The following SPRR2G variants were observed in gnomAD, a reference collection of about 807,000 sequenced individuals.
SPRR2G encodes small proline-rich protein 2G.
A neutral mutation model predicts 0.7 loss-of-function variants in SPRR2G; 1 was observed. The observed-to-expected ratio is 1.49, with a 90% confidence interval of 0.53 to 7.06. The LOEUF (loss-of-function observed/expected upper bound fraction) is 7.06. Among genes scored for constraint, SPRR2G ranks in the 30% most tolerant of loss-of-function variants. SPRR2G has a pLI of 0.14. For missense variants in SPRR2G, 96 were observed against 88.5 expected, an observed-to-expected ratio of 1.09 and a Z score of -0.34; for synonymous variants, 38 against 33.9, an observed-to-expected ratio of 1.12 and a Z score of -0.42.
the SPRR2G span, among the ~76,000 whole-genome samples, chr1:153,196,641 T>C: frequency 1.3e-5 from 2 of 152,130 alleles, no homozygotes; most frequent in Admixed American, 1.3e-4. Flanking sequence ...GGTTAAGAAA[T>C]TGACAAGAAC....
the SPRR2G span, among the ~76,000 whole-genome samples, chr1:153,159,578 C>T: frequency 6.6e-6 from 1 of 152,206 alleles, no homozygotes; most frequent in Non-Finnish European, 1.5e-5. Context: ...TAGCAGTACC[C>T]ATTCTGCTGG....
chr1:153,159,745 C>T, the SPRR2G span, among the ~76,000 whole-genome samples: 1 of 152,162 alleles, frequency 6.6e-6, no homozygotes, highest in Non-Finnish European at 1.5e-5. Context: ...GGAAGCAAGG[C>T]GTGTCTTACA....
the SPRR2G span, among the ~76,000 whole-genome samples, chr1:153,194,218 T>C: frequency 9.9e-5 from 15 of 152,048 alleles, no homozygotes; most frequent in African/African-American, 3.6e-4. Context: ...TAACTAGGAA[T>C]AGCATAGATG....
the SPRR2G span, among the ~76,000 whole-genome samples, chr1:153,171,057 C>T: frequency 2.6e-5 from 4 of 152,302 alleles, no homozygotes; most frequent in East Asian, 1.9e-4. Context: ...CCTCTTTTCA[C>T]GGAAGAGTAC....
chr1:153,182,635 T>C, the SPRR2G span, among the ~76,000 whole-genome samples: 1 of 152,024 alleles, frequency 6.6e-6, no homozygotes, highest in African/African-American at 2.4e-5. Context: ...AGTGAGAACT[T>C]AGGGTGTTTG....
chr1:153,202,802 C>T, the SPRR2G span, among the ~76,000 whole-genome samples: 1 of 152,186 alleles, frequency 6.6e-6, no homozygotes, highest in African/African-American at 2.4e-5. Context: ...ACCTCCTAAA[C>T]CTGAGTTCAG....
At chr1:153,159,052 A>T in the SPRR2G span, among the ~76,000 whole-genome samples, 4 of 152,200 alleles carry the variant, frequency 2.6e-5, no homozygotes, top group Non-Finnish European at 5.9e-5. Flanking sequence ...AGGGGCTGCC[A>T]CGAAGATCTC....
chr1:153,155,843 C>A (rs1464528172), upstream of SPRR2G, among the ~76,000 whole-genome samples: 2 of 152,170 alleles, frequency 1.3e-5, no homozygotes, highest in African/African-American at 4.8e-5. Context: ...TCTCTAAAAG[C>A]CATCACTTCA....
At chr1:153,163,026 C>G in the SPRR2G span, among the ~76,000 whole-genome samples, 1 of 152,150 alleles carries the variant, frequency 6.6e-6, no homozygotes, top group Non-Finnish European at 1.5e-5. Flanking sequence ...AGAAACAAAA[C>G]TGGCTTTTAA....
chr1:153,179,599 G>A, the SPRR2G span, among the ~76,000 whole-genome samples: 1 of 152,024 alleles, frequency 6.6e-6, no homozygotes, highest in African/African-American at 2.4e-5. Flanking sequence ...AATGATAGTA[G>A]TCATAATAAT....
the SPRR2G span, among the ~76,000 whole-genome samples, chr1:153,202,734 AT>A: frequency 1.6e-4 from 24 of 152,118 alleles, no homozygotes; most frequent in Non-Finnish European, 2.6e-4. Flanking sequence ...AGGCATAATC[AT>A]GTCACAATTT....
the SPRR2G span, among the ~76,000 whole-genome samples, chr1:153,199,677 T>A: frequency 6.6e-6 from 1 of 152,138 alleles, no homozygotes; most frequent in Admixed American, 6.5e-5. Flanking sequence ...GAGAAGGAAA[T>A]CCAACATTCA....
chr1:153,176,918 C>G, the SPRR2G span, among the ~76,000 whole-genome samples: 3 of 152,166 alleles, frequency 2.0e-5, no homozygotes, highest in African/African-American at 2.4e-5. Flanking sequence ...CCTATCATAA[C>G]AGCCCCTGAA....
chr1:153,191,426 C>G, the SPRR2G span: 1 of 152,168 alleles, frequency 6.6e-6, no homozygotes, highest in Admixed American at 6.5e-5. Flanking sequence ...AATTTACACA[C>G]TTAAGATTAT....
chr1:153,163,340 A>C, the SPRR2G span, among the ~76,000 whole-genome samples: 3 of 152,358 alleles, frequency 2.0e-5, no homozygotes, highest in Middle Eastern at 3.4e-3. Context: ...ACACATTCCA[A>C]AAAGAAGGCC....
the SPRR2G span, among the ~76,000 whole-genome samples, chr1:153,182,114 G>A: frequency 6.6e-6 from 1 of 152,092 alleles, no homozygotes; most frequent in African/African-American, 2.4e-5. Context: ...CATTCTTGCT[G>A]GAGTGAGAGG....
At chr1:153,173,632 C>T in the SPRR2G span, among the ~76,000 whole-genome samples, 1 of 152,096 alleles carries the variant, frequency 6.6e-6, no homozygotes, top group South Asian at 2.1e-4. Context: ...AAACTATTTC[C>T]TTGGTTGGAC....
chr1:153,181,773 G>A, the SPRR2G span, among the ~76,000 whole-genome samples: 1 of 151,028 alleles, frequency 6.6e-6, no homozygotes, highest in Middle Eastern at 3.4e-3. Flanking sequence ...ATGGCTGAGT[G>A]GTATTCCATT....
At chr1:153,181,434 T>C in the SPRR2G span, among the ~76,000 whole-genome samples, 1 of 152,202 alleles carries the variant, frequency 6.6e-6, no homozygotes, top group Non-Finnish European at 1.5e-5. Context: ...CACTTCCAGA[T>C]ATTTTGAAAG....
Sources: gnomAD v4.1 joint callset for allele counts (sites outside exome capture counted in the v4.1 genomes callset) on GRCh38, gnomAD v4.1.1 for gene constraint, MANE v1.5 for transcripts, NCBI Gene and HGNC (gene_info 2026-07-23, HGNC 2026-07-21) for gene names.